The following MAPK8 variants were observed in gnomAD, a reference collection of about 807,000 sequenced individuals.
The protein encoded by MAPK8 is JUN N-terminal kinase.
A neutral mutation model predicts 52.9 loss-of-function variants in MAPK8; 13 were observed. That is an observed-to-expected ratio of 0.25 (90% CI 0.16 to 0.39). MAPK8 has a LOEUF of 0.39. Among genes scored for constraint, MAPK8 ranks in the 10% least tolerant of loss-of-function variants. MAPK8 has a pLI of 1.00. For missense variants in MAPK8, 300 were observed against 519.2 expected (o/e 0.58, Z 4.10); for synonymous variants, 191 against 169.8 (o/e 1.12, Z -0.97).
intron 1 of MAPK8, among the ~76,000 whole-genome samples, chr10:48,317,998 A>C (rs1223050507): frequency 1.4e-5 from 2 of 138,680 alleles, no homozygotes; most frequent in East Asian, 5.0e-4. Flanking sequence ...TAAGGCAGGT[A>C]GTTGAATTTA....
chr10:48,439,244 C>T lies in MAPK8; in HGVS notation c.*4215C>T, dbSNP rs1434197758. The T allele has an allele frequency of 6.7e-6, 1 of 149,806 alleles. No individual in the cohort carries two copies. The highest frequency in any genetic ancestry group is 6.7e-5 in the Admixed American group (1 of 14,892). The allele number at this position is 149,806 out of a possible 1,614,324, so 9.3% of individuals were successfully genotyped here. On this transcript the variant is annotated 3_prime_UTR_variant, in exon 12 of 12. Transcript: ENST00000374189. The stretch of plus-strand genomic sequence containing the variant: ...TGAGATCATTATTGTGGTTTTTCAT[C>T]ATTCATGCCCTAGTCATTAAACATG...
intron 1 of MAPK8, among the ~76,000 whole-genome samples, chr10:48,392,759 C>A (rs2698762): frequency 0.83 from 126,009 of 151,942 alleles, 52,779 homozygotes; most frequent in African/African-American, 0.96. Context: ...ATCATATATA[C>A]TATATAATCT....
intron 1 of MAPK8, among the ~76,000 whole-genome samples, chr10:48,315,653 T>A (rs1842427870): frequency 6.6e-6 from 1 of 150,538 alleles, no homozygotes; most frequent in Non-Finnish European, 1.5e-5. Flanking sequence ...TTATCTTCTA[T>A]CTGGTTATAT....
At position 48,408,373 on chromosome 10, in the gene MAPK8, A is replaced by T. The variant is rs547512161; in HGVS notation, c.253-1506A>T. Among the ~76,000 whole-genome samples the T allele has an allele frequency of 2.0e-4, 31 of 152,362 alleles. No individual in the cohort carries two copies. In the East Asian group the frequency reaches 5.0e-3, roughly 25 times the overall value. Reference sequence around the variant, plus strand: ...ATAGTCAACTCTGTCAAGAACTAGGAGTTGTCAGAATCTACAAAAGAGGTT... The same window carrying T: ...ATAGTCAACTCTGTCAAGAACTAGGTGTTGTCAGAATCTACAAAAGAGGTT... On this transcript the variant is annotated intron_variant, in intron 3 of 11. Coordinates refer to ENST00000374189, the MANE Select transcript of MAPK8 (RefSeq NM_001323329.2).
In MAPK8 at chr10:48,437,638, A is replaced by G. The variant is rs891406987; in HGVS notation, c.*2609A>G. ...TGTTGGGATCACTTAGTTATACTATACGCAGATAGAGCATCTCAACTCTGT... is the reference window on the plus strand; with the variant it reads ...TGTTGGGATCACTTAGTTATACTATGCGCAGATAGAGCATCTCAACTCTGT... On this transcript the variant is annotated 3_prime_UTR_variant, in exon 12 of 12. Coordinates refer to ENST00000374189, the MANE Select transcript of MAPK8 (RefSeq NM_001323329.2). The G allele has an allele frequency of 6.6e-6, 1 of 152,208 alleles. No individual in the cohort carries two copies. Among genetic ancestry groups the G allele is most frequent in the African/African-American group, 2.4e-5 (1 of 41,454 alleles). The allele number at this position is 152,208 out of a possible 1,614,324, so 9.4% of individuals were successfully genotyped here.
At chr10:48,309,409 G>T (rs936247083) in intron 1 of MAPK8, among the ~76,000 whole-genome samples, 2 of 152,136 alleles carry the variant, frequency 1.3e-5, no homozygotes, top group Non-Finnish European at 1.5e-5. Context: ...TATTCCTTTA[G>T]TAAGTATGAA....
intron 1 of MAPK8, among the ~76,000 whole-genome samples, chr10:48,352,522 TGAA>T (rs1282638110): frequency 1.3e-5 from 2 of 152,166 alleles, no homozygotes; most frequent in Admixed American, 6.5e-5. Flanking sequence ...AACAGGATCA[TGAA>T]GAAAATATAT....
chr10:48,346,215 GAT>G (rs1438391319), intron 1 of MAPK8, among the ~76,000 whole-genome samples: 1 of 152,182 alleles, frequency 6.6e-6, no homozygotes, highest in East Asian at 1.9e-4. Flanking sequence ...AGTTATACCA[GAT>G]ATAGATCTTA....
chr10:48,429,043 A>G (rs1179566912), intron 10 of MAPK8, among the ~76,000 whole-genome samples: 1 of 151,702 alleles, frequency 6.6e-6, no homozygotes, highest in Non-Finnish European at 1.5e-5. Context: ...GCTGGTTTCA[A>G]ACTTCTGGGC....
chr10:48,355,023 A>G (rs962929262), intron 1 of MAPK8, among the ~76,000 whole-genome samples: 3 of 152,234 alleles, frequency 2.0e-5, no homozygotes, highest in Admixed American at 1.3e-4. Context: ...CACTGTGAGC[A>G]GGACTCAACA....
rs2044877622 is a variant in MAPK8, at chr10:48,436,721, G to A, written c.*1692G>A. ...CAATATTTAAGATTAAAATACATTAGCTTTTTTATATACTTTGAAGTAGCA... is the reference window on the plus strand; with the variant it reads ...CAATATTTAAGATTAAAATACATTAACTTTTTTATATACTTTGAAGTAGCA... On this transcript the variant is annotated 3_prime_UTR_variant, in exon 12 of 12. Coordinates refer to ENST00000374189, the MANE Select transcript of MAPK8 (RefSeq NM_001323329.2). 6.6e-6 allele frequency: 1 copy of A among 152,172 alleles called. No individual in the cohort carries two copies. The highest frequency in any genetic ancestry group is 2.4e-5 in the African/African-American group (1 of 41,424). 9.4% of individuals were successfully genotyped at this position (152,172 alleles called of 1,614,324 possible). A position where few individuals can be genotyped will look rare whatever the true frequency, so the allele number is the denominator to read the frequency against.
intron 1 of MAPK8, 137 bp from the exon 2 acceptor site, chr10:48,401,472 TTTC>T (rs1468702872): frequency 1.5e-5 from 8 of 523,018 alleles, no homozygotes; most frequent in Non-Finnish European, 2.4e-5. Flanking sequence ...CGGTATTTTT[TTTC>T]TTATGTTTTT....
chr10:48,308,904 T>C (rs1057393213), intron 1 of MAPK8, among the ~76,000 whole-genome samples: 1 of 152,198 alleles, frequency 6.6e-6, no homozygotes, highest in Non-Finnish European at 1.5e-5. Context: ...CTAAATACAG[T>C]TTAGCGTTTG....
At chr10:48,313,572 G>A (rs1842195736) in intron 1 of MAPK8, among the ~76,000 whole-genome samples, 1 of 152,182 alleles carries the variant, frequency 6.6e-6, no homozygotes, top group South Asian at 2.1e-4. Context: ...CACCAAATAC[G>A]TTTGTACTAA....
At chr10:48,428,665 G>A (rs141403945) in intron 10 of MAPK8, among the ~76,000 whole-genome samples, 266 of 152,310 alleles carry the variant, frequency 1.7e-3, no homozygotes, top group Admixed American at 3.7e-3. Flanking sequence ...AGAGTCTGCT[G>A]CATTTGAATA....
chr10:48,326,810 A>G (rs746621987), intron 1 of MAPK8, among the ~76,000 whole-genome samples: 1 of 152,184 alleles, frequency 6.6e-6, no homozygotes, highest in Non-Finnish European at 1.5e-5. Flanking sequence ...TTCCTCCAAT[A>G]GCGGGAAACC....
intron 11 of MAPK8, among the ~76,000 whole-genome samples, chr10:48,433,328 A>G (rs1464267184): frequency 6.6e-6 from 1 of 152,212 alleles, no homozygotes; most frequent in Non-Finnish European, 1.5e-5. Flanking sequence ...TAAAAATTGT[A>G]TATGTTGGAG....
At chr10:48,339,623 A>C (rs1212800766) in intron 1 of MAPK8, among the ~76,000 whole-genome samples, 2 of 152,240 alleles carry the variant, frequency 1.3e-5, no homozygotes, top group African/African-American at 4.8e-5. Flanking sequence ...CAAACAGGGT[A>C]AACAGCGTAC....
At chr10:48,362,670 C>A (rs1427484199) in intron 1 of MAPK8, among the ~76,000 whole-genome samples, 2 of 151,790 alleles carry the variant, frequency 1.3e-5, no homozygotes, top group Non-Finnish European at 2.9e-5. Context: ...AAATGTGCCT[C>A]CAAAATTTAA....
Sources: allele counts gnomAD v4.1 joint callset (sites outside exome capture counted in the v4.1 genomes callset), GRCh38; gene constraint gnomAD v4.1.1; transcripts MANE v1.5; gene names NCBI Gene and HGNC (gene_info 2026-07-23, HGNC 2026-07-21).